WDR33: variants seen among roughly 807,000 people sequenced by gnomAD.
WDR33 encodes WD repeat domain 33.
In WDR33, 47 loss-of-function variants were observed where a neutral mutation model predicts 164.9. That is an observed-to-expected ratio of 0.29 (90% CI 0.23 to 0.36). The LOEUF is 0.36. Among genes scored for constraint, WDR33 ranks in the 10% least tolerant of loss-of-function variants. The pLI is 1.00. For synonymous variants in WDR33, 505 were observed against 589.0 expected, an observed-to-expected ratio of 0.86 and a Z score of 2.06; for missense variants, 1,137 against 1,754.1, an observed-to-expected ratio of 0.65 and a Z score of 6.28.
In WDR33 at chr2:127,719,352, T is replaced by C. The variant is rs770203787; in HGVS notation, c.2673A>G (p.Arg891=). 1.3e-6 allele frequency: 2 copies of C among 1,509,864 alleles called. No individual in the cohort carries two copies. Among genetic ancestry groups the C allele is most frequent in the Middle Eastern group, 1.8e-4 (1 of 5,594 alleles). 93.5% of individuals were successfully genotyped at this position (1,509,864 alleles called of 1,614,324 possible). The change falls in exon 16 of 22, where the codon AGA becomes AGG. Residue 891 remains arginine (R), a synonymous_variant. Transcript: ENST00000322313. This position sits in a 1 kb window ranked among gnomAD's most constrained non-coding sequence, Gnocchi z 6.5. ...TTGGCCCTTGAGATGGATGTGGCCC[T>C]CTTGCTGGGTTCTGCTGTCCCTGAG... ...PGPQGQQNPA[R]GPHPSQGPIP... is the part of the protein sequence containing the mutation.
chr2:127,787,059 C>CT (rs1688606533), intron 1 of WDR33, among the ~76,000 whole-genome samples: 1 of 103,424 alleles, frequency 9.7e-6, no homozygotes, highest in Non-Finnish European at 1.9e-5. Context: ...GGTGATGACT[C>CT]TTAACGAGCA....
chr2:127,807,801 C>T (rs1346402431), intron 1 of WDR33, among the ~76,000 whole-genome samples: 1 of 152,168 alleles, frequency 6.6e-6, no homozygotes, highest in East Asian at 1.9e-4. Flanking sequence ...TACTATAGCA[C>T]GTCTTCAACG....
In WDR33 at chr2:127,726,559, A is replaced by G; in HGVS notation, c.851+92T>C. 1 of 1,514,842 alleles carries G rather than the reference A, an allele frequency of 6.6e-7. No homozygotes were observed. Among genetic ancestry groups the G allele is most frequent in the Non-Finnish European group, 8.9e-7 (1 of 1,128,612 alleles). 93.8% of individuals were successfully genotyped at this position (1,514,842 alleles called of 1,614,324 possible). A position where few individuals can be genotyped will look rare whatever the true frequency, so the allele number is the denominator to read the frequency against. ...TCTGTTGCCTAAATGACTCTTCCAG[A>G]AATACATAAGAGAAAACAAAGCTAA... On this transcript the variant is annotated intron_variant, in intron 8 of 21. Transcript: ENST00000322313. This position sits in a 1 kb window ranked among gnomAD's most constrained non-coding sequence, Gnocchi z 4.8.
chr2:127,782,681 A>G (rs756960478), intron 1 of WDR33, among the ~76,000 whole-genome samples: 4 of 152,220 alleles, frequency 2.6e-5, no homozygotes, highest in Non-Finnish European at 5.9e-5. Context: ...ACATTCACAT[A>G]GTATTAGGTA....
rs1686518081 is a variant in WDR33 at position 127,724,516 on chromosome 2, AT to A, written c.1086-74del. Reference sequence around the variant, plus strand: ...CTTCTCCCTCCCCCTCAAAAAAGACATTTTCTGTTACTCTTAAAATGAAGCT... The same window carrying A: ...CTTCTCCCTCCCCCTCAAAAAAGACATTTCTGTTACTCTTAAAATGAAGCT... On this transcript the variant is annotated intron_variant, in intron 10 of 21. Transcript: ENST00000322313. The surrounding 1 kb of genome is among the most constrained non-coding windows in gnomAD (Gnocchi z 4.8). 11 of 1,302,444 alleles carry A rather than the reference AT, an allele frequency of 8.4e-6. 1 individual carries two copies. The South Asian group carries it at 1.2e-4, about 14-fold the overall frequency. 80.7% of individuals were successfully genotyped at this position (1,302,444 alleles called of 1,614,324 possible).
intron 1 of WDR33, among the ~76,000 whole-genome samples, chr2:127,798,133 C>T (rs542609723): frequency 6.6e-6 from 1 of 150,758 alleles, no homozygotes; most frequent in East Asian, 2.0e-4. Flanking sequence ...TCTGGGAGGC[C>T]GAGGCAGGTG....
At position 127,732,770 on chromosome 2, in the gene WDR33, G is replaced by C. The variant is rs372196765; in HGVS notation, c.725-5993C>G. ...GGGGTGCATTAAGTTTCAAGATACT[G>C]TGGGTTTTGTGAAGAGGCAAACCGT... is the stretch of plus-strand genomic sequence containing the variant. On this transcript the variant is annotated intron_variant, in intron 7 of 21. Transcript: ENST00000322313. 2.6e-5 allele frequency among the ~76,000 whole-genome samples: 4 copies of C among 152,244 alleles called. 1 individual carries two copies. In the South Asian group the frequency reaches 8.3e-4, roughly 32 times the overall value.
intron 7 of WDR33, chr2:127,737,842 C>T: frequency 1.5e-6 from 2 of 1,370,158 alleles, no homozygotes; most frequent in Non-Finnish European, 1.9e-6. Flanking sequence ...AATTTAGAAA[C>T]ATAAAAGCAA....
intron 1 of WDR33, among the ~76,000 whole-genome samples, chr2:127,788,013 G>T (rs1688660723): frequency 1.3e-5 from 1 of 78,892 alleles, no homozygotes; most frequent in Admixed American, 1.0e-4. Context: ...CTGGCCGGGC[G>T]GGGGGGCTGA....
chr2:127,788,175 G>T (rs1688671602), intron 1 of WDR33, among the ~76,000 whole-genome samples: 1 of 112,490 alleles, frequency 8.9e-6, no homozygotes, highest in African/African-American at 3.7e-5. Context: ...CTCCCAGACG[G>T]GGCGGCTGGC....
In WDR33 at chr2:127,720,939, T is replaced by C. The variant is rs988607291; in HGVS notation, c.1672-586A>G. On this transcript the variant is annotated intron_variant, in intron 15 of 21. Transcript: ENST00000322313. The surrounding 1 kb of genome is among the most constrained non-coding windows in gnomAD (Gnocchi z 5.9). ...AATTCATCATTCTTGGTAGCTAACA[T>C]AGATAAGAAAAATAAGAACAAGCTA... Among the ~76,000 whole-genome samples the C allele has an allele frequency of 3.3e-5, 5 of 152,136 alleles. No individual in the cohort carries two copies. The highest frequency in any genetic ancestry group is 5.9e-5 in the Non-Finnish European group (4 of 68,030).
In WDR33 at chr2:127,741,613, T is replaced by C. The variant is rs528899463; in HGVS notation, c.725-14836A>G. ...CAAAAAAATGCAAGATAGCTACTTA[T>C]ACTAACCAATACAAACCACCATTCA... On this transcript the variant is annotated intron_variant, in intron 7 of 21. Transcript: ENST00000322313. The surrounding 1 kb of genome is among the most constrained non-coding windows in gnomAD (Gnocchi z 4.1). Among the ~76,000 whole-genome samples the C allele has an allele frequency of 2.1e-4, 32 of 152,300 alleles. No individual in the cohort carries two copies. The highest frequency in any genetic ancestry group is 7.7e-4 in the African/African-American group (32 of 41,554).
intron 2 of WDR33, among the ~76,000 whole-genome samples, chr2:127,769,673 A>G (rs932114487): frequency 6.6e-6 from 1 of 152,182 alleles, no homozygotes; most frequent in African/African-American, 2.4e-5. Context: ...TACTTTCCCA[A>G]TTGAAATTCC....
chr2:127,755,625 C>T (rs1276567416), intron 7 of WDR33, among the ~76,000 whole-genome samples: 1 of 152,160 alleles, frequency 6.6e-6, no homozygotes, highest in African/African-American at 2.4e-5. Context: ...TGTGGTGGTG[C>T]CTTTTTTAGA....
chr2:127,701,802 G>C lies in WDR33; in HGVS notation c.*4521C>G. 6.9e-7 allele frequency: 1 copy of C among 1,454,570 alleles called. No homozygotes were observed. Among genetic ancestry groups the C allele is most frequent in the Non-Finnish European group, 9.0e-7 (1 of 1,107,244 alleles). 90.1% of individuals were successfully genotyped at this position (1,454,570 alleles called of 1,614,324 possible). On this transcript the variant is annotated 3_prime_UTR_variant, in exon 22 of 22. Transcript: ENST00000322313. Reference sequence around the variant, plus strand: ...CCTGCTGCTGGCTGCACTGTGTTTCGGCCTAGCCGCGCTCTACGCACCGGT... The same window carrying C: ...CCTGCTGCTGGCTGCACTGTGTTTCCGCCTAGCCGCGCTCTACGCACCGGT...
At position 127,719,753 on chromosome 2, in the gene WDR33, T is replaced by C; in HGVS notation, c.2272A>G (p.Ile758Val). Reference sequence around the variant, plus strand: ...CCTTGAGACCCTGGTCCGCCTTGGATCCCATGAGGATGAGGAGGCCCTTGC... The same window carrying C: ...CCTTGAGACCCTGGTCCGCCTTGGACCCCATGAGGATGAGGAGGCCCTTGC... ...GMQGPPHPHG[I>V]QGGPGSQGIQ... The change falls in exon 16 of 22, where the codon ATC becomes GTC. Residue 758 changes from isoleucine (I) to valine (V), a missense_variant. By Grantham distance (29) the Ile-to-Val change is conservative. Around this residue, in one of 9 missense-constraint regions of WDR33, gnomAD observed 867 missense variants for 1,073.0 expected, o/e 0.81. Coordinates refer to ENST00000322313, the MANE Select transcript of WDR33 (RefSeq NM_018383.5). The surrounding 1 kb of genome is among the most constrained non-coding windows in gnomAD (Gnocchi z 6.5). 2 of 1,613,774 alleles carry C rather than the reference T, an allele frequency of 1.2e-6. No homozygotes were observed. The highest frequency in any genetic ancestry group is 2.2e-5 in the South Asian group (2 of 91,076).
At chr2:127,792,147 C>G (rs1688862580) in intron 1 of WDR33, among the ~76,000 whole-genome samples, 1 of 151,592 alleles carries the variant, frequency 6.6e-6, no homozygotes, top group Non-Finnish European at 1.5e-5. Flanking sequence ...CCGTGTTGGT[C>G]AGGCTGGTCT....
At chr2:127,711,776 ATATATTTT>A (rs1167397707) in intron 18 of WDR33, among the ~76,000 whole-genome samples, 4 of 94,082 alleles carry the variant, frequency 4.3e-5, no homozygotes, top group African/African-American at 1.7e-4. Context: ...ATATATATAT[ATATATTTT>A]TTTTTTGAGA....
chr2:127,709,018 G>A lies in WDR33; in HGVS notation c.3566-126C>T, dbSNP rs2533423. The A allele has an allele frequency of 7.1e-4, 752 of 1,057,418 alleles. 4 individuals are homozygous for A. The African/African-American group carries it at 0.01, about 14-fold the overall frequency. 65.5% of individuals were successfully genotyped at this position (1,057,418 alleles called of 1,614,324 possible). On this transcript the variant is annotated intron_variant, in intron 20 of 21. Transcript: ENST00000322313. This position sits in a 1 kb window ranked among gnomAD's most constrained non-coding sequence, Gnocchi z 5.0. ...CACTCATGCTGAATGCCCGCCAGAG[G>A]CCAAAGGGTAAGCCACCCAGACATC...
Sources: allele counts gnomAD v4.1 joint callset (sites outside exome capture counted in the v4.1 genomes callset), GRCh38; gene constraint gnomAD v4.1.1; regional missense constraint gnomAD v4.1.1; non-coding constraint Gnocchi (gnomAD v3.1); transcripts MANE v1.5; gene names NCBI Gene and HGNC (gene_info 2026-07-23, HGNC 2026-07-21).